TSNARE1: variants seen among roughly 807,000 people sequenced by gnomAD.
TSNARE1 encodes the protein t-SNARE domain containing 1, also known as t-SNARE domain-containing protein 1.
A neutral mutation model predicts 62.0 loss-of-function variants in TSNARE1; 49 were observed. The ratio of observed to expected loss-of-function variants is 0.79; its 90% CI spans 0.63 to 1.00. The LOEUF is 1.00. Among genes scored for constraint, TSNARE1 ranks in the 50% least tolerant of loss-of-function variants. The probability of loss-of-function intolerance (pLI) is 0.00; values close to 1 mark genes in which losing one functional copy is unlikely to be tolerated. For synonymous variants in TSNARE1, 328 were observed against 294.4 expected, an observed-to-expected ratio of 1.11 and a Z score of -1.17; for missense variants, 755 against 700.1, an observed-to-expected ratio of 1.08 and a Z score of -0.88.
chr8:142,374,631 G>A (rs1466867397), intron 1 of TSNARE1, among the ~76,000 whole-genome samples: 4 of 149,112 alleles, frequency 2.7e-5, no homozygotes, highest in South Asian at 2.1e-4. Context: ...AGTGAGCCAA[G>A]ATTGGGCCAC....
chr8:142,287,813 A>G (rs1823015691), intron 10 of TSNARE1, among the ~76,000 whole-genome samples: 1 of 145,874 alleles, frequency 6.9e-6, no homozygotes, highest in African/African-American at 2.6e-5. Flanking sequence ...AGGATGTGGA[A>G]CCCAGGACCC....
At chr8:142,378,599 G>A (rs952327867) in intron 1 of TSNARE1, among the ~76,000 whole-genome samples, 1 of 152,188 alleles carries the variant, frequency 6.6e-6, no homozygotes, top group Non-Finnish European at 1.5e-5. Flanking sequence ...TGAATCCACC[G>A]CTCAGGGTAA....
chr8:142,246,747 C>T (rs751421932), intron 12 of TSNARE1, among the ~76,000 whole-genome samples: 3 of 152,182 alleles, frequency 2.0e-5, no homozygotes, highest in Non-Finnish European at 4.4e-5. Context: ...CGTTCAAGGC[C>T]GCAGAGGCTG....
chr8:142,222,815 CTCACTCACTCACTCAT>C (rs1816456133), intron 13 of TSNARE1, among the ~76,000 whole-genome samples: 2 of 26,532 alleles, frequency 7.5e-5, no homozygotes, highest in South Asian at 2.9e-3. Flanking sequence ...CACTCATTCA[CTCACTCACTCACTCAT>C]TCACTCACTC....
chr8:142,323,488 T>C (rs955193320), intron 6 of TSNARE1, among the ~76,000 whole-genome samples: 9 of 152,206 alleles, frequency 5.9e-5, no homozygotes, highest in Admixed American at 1.3e-4. Context: ...GACGCACTTT[T>C]AGGCAGACTC....
chr8:142,289,956 C>T (rs1374630578), intron 10 of TSNARE1, among the ~76,000 whole-genome samples: 1 of 152,208 alleles, frequency 6.6e-6, no homozygotes, highest in Admixed American at 6.5e-5. Flanking sequence ...CCACAAGAGA[C>T]AGAAGAGGGC....
At chr8:142,381,861 G>A (rs991475784) in intron 1 of TSNARE1, among the ~76,000 whole-genome samples, 3 of 152,168 alleles carry the variant, frequency 2.0e-5, no homozygotes, top group African/African-American at 7.2e-5. Context: ...AACAGGCAGC[G>A]CCCGCGGGTG....
intron 12 of TSNARE1, among the ~76,000 whole-genome samples, chr8:142,256,379 T>C (rs1159086350): frequency 0.05 from 15 of 300 alleles, no homozygotes; most frequent in Non-Finnish European, 0.063. Context: ...ATCACCACCA[T>C]CATCATCACC....
intron 12 of TSNARE1, among the ~76,000 whole-genome samples, chr8:142,258,024 C>T (rs1269147943): frequency 6.6e-6 from 1 of 152,144 alleles, no homozygotes; most frequent in African/African-American, 2.4e-5. Flanking sequence ...TGTGCTTATA[C>T]ACACATGCAC....
intron 11 of TSNARE1, chr8:142,275,299 G>A (rs752345277): frequency 1.7e-5 from 17 of 985,306 alleles, no homozygotes; most frequent in African/African-American, 3.5e-5. Flanking sequence ...GATGGAGACC[G>A]GGTCTGCAAG....
chr8:142,301,119 C>G (rs1380331133), intron 9 of TSNARE1, among the ~76,000 whole-genome samples: 1 of 151,220 alleles, frequency 6.6e-6, no homozygotes, highest in Non-Finnish European at 1.5e-5. Flanking sequence ...TGCCAGCAGG[C>G]CTTCCTTCAC....
At chr8:142,314,975 A>G (rs1828288999) in intron 8 of TSNARE1, 28 bp downstream of exon 8, 4 of 1,610,782 alleles carry the variant, frequency 2.5e-6, no homozygotes, top group African/African-American at 2.7e-5. Flanking sequence ...TGGCCTGCAG[A>G]CCCCCACTGC....
chr8:142,304,356 C>T (rs1826304475), intron 9 of TSNARE1, among the ~76,000 whole-genome samples: 1 of 152,226 alleles, frequency 6.6e-6, no homozygotes, highest in South Asian at 2.1e-4. Flanking sequence ...TCCGGCCCAG[C>T]AGTGGTGCCG....
intron 11 of TSNARE1, chr8:142,276,729 C>A: frequency 1.0e-6 from 1 of 985,398 alleles, no homozygotes; most frequent in Non-Finnish European, 1.2e-6. Context: ...GGACTCTGAT[C>A]GTAGTGTGTG....
chr8:142,301,429 G>A (rs1825749824), intron 9 of TSNARE1, among the ~76,000 whole-genome samples: 1 of 123,610 alleles, frequency 8.1e-6, no homozygotes, highest in East Asian at 2.4e-4. Flanking sequence ...CACCTGCCCT[G>A]CCCATGCCAG....
intron 11 of TSNARE1, chr8:142,276,034 T>C (rs993652878): frequency 5.1e-6 from 5 of 985,408 alleles, no homozygotes; most frequent in Non-Finnish European, 6.0e-6. Flanking sequence ...ACAGGGATCC[T>C]TGAACCCTTG....
intron 1 of TSNARE1, among the ~76,000 whole-genome samples, chr8:142,392,947 GA>G (rs374805854): frequency 0.26 from 28,295 of 109,418 alleles, 2,723 homozygotes; most frequent in East Asian, 0.34. Context: ...AGGAGAAAAA[GA>G]AAAAAAAAAA....
chr8:142,287,007 C>G (rs1265684899), intron 10 of TSNARE1, among the ~76,000 whole-genome samples: 2 of 152,238 alleles, frequency 1.3e-5, no homozygotes, highest in African/African-American at 4.8e-5. Flanking sequence ...TAGTGACTGC[C>G]CAATGACACA....
Position 142,286,176 on chromosome 8 carries a change from A to C in TSNARE1, c.1291-1691T>G, listed in dbSNP as rs1435323447. Among the ~76,000 whole-genome samples, 3 of 152,112 alleles carry C rather than the reference A, an allele frequency of 2.0e-5. No homozygotes were observed. In the East Asian group the frequency reaches 5.8e-4, roughly 29 times the overall value. On this transcript the variant is annotated intron_variant, in intron 10 of 13. Coordinates refer to ENST00000524325, the MANE Select transcript of TSNARE1 (RefSeq NM_145003.5). ...TTTGCTCACTTATCACCCGAACAAA[A>C]GCAACCCTCCTCACATAGCGCCTGG...
Sources: gnomAD v4.1 joint callset for allele counts (sites outside exome capture counted in the v4.1 genomes callset) on GRCh38, gnomAD v4.1.1 for gene constraint, MANE v1.5 for transcripts, NCBI Gene and HGNC (gene_info 2026-07-23, HGNC 2026-07-21) for gene names.